The following SOX6 variants were observed in gnomAD, a reference collection of about 807,000 sequenced individuals.
SOX6 encodes the protein transcription factor SOX-6.
In SOX6, 11 loss-of-function variants were observed where a neutral mutation model predicts 97.8. That is an observed-to-expected ratio of 0.11 (90% confidence interval 0.07 to 0.19). The LOEUF (loss-of-function observed/expected upper bound fraction) is 0.19, where lower values mean the gene tolerates loss of function less well. SOX6 is among the 10% of genes least tolerant of loss of function. SOX6 has a pLI of 1.00. For synonymous variants in SOX6, 360 were observed against 371.4 expected (o/e 0.97, Z 0.35); for missense variants, 810 against 1,039.5 (o/e 0.78, Z 3.04).
At chr11:16,729,684 T>C (rs2134059068) in intron 2 of SOX6, among the ~76,000 whole-genome samples, 1 of 152,134 alleles carries the variant, frequency 6.6e-6, no homozygotes, top group Non-Finnish European at 1.5e-5. Context: ...ATGGGCAAAA[T>C]AAACAGCTAA....
At chr11:16,341,726 T>C (rs1856643400) in intron 1 of SOX6, among the ~76,000 whole-genome samples, 1 of 152,026 alleles carries the variant, frequency 6.6e-6, no homozygotes, top group South Asian at 2.1e-4. Flanking sequence ...GGGGGATATG[T>C]AGGAAAATAT....
At chr11:16,110,459 T>C (rs997883589) in intron 7 of SOX6, 8 of 151,976 alleles carry the variant, frequency 5.3e-5, no homozygotes, top group African/African-American at 1.7e-4. Flanking sequence ...TAGATGCCAA[T>C]GTCATAGTAG....
chr11:16,639,632 T>C (rs896133369), intron 3 of SOX6, among the ~76,000 whole-genome samples: 4 of 152,210 alleles, frequency 2.6e-5, no homozygotes, highest in African/African-American at 9.7e-5. Flanking sequence ...GTCCTTCACA[T>C]CCGTTTTAAG....
chr11:16,688,106 G>A (rs978176155), intron 3 of SOX6, among the ~76,000 whole-genome samples: 2 of 151,836 alleles, frequency 1.3e-5, no homozygotes, highest in African/African-American at 2.4e-5. Context: ...CCAAGTAGCT[G>A]GGAACACAGG....
chr11:16,442,022 T>C (rs1422325828), intron 1 of SOX6, among the ~76,000 whole-genome samples: 1 of 152,254 alleles, frequency 6.6e-6, no homozygotes, highest in Non-Finnish European at 1.5e-5. Context: ...CCCAGGTCAC[T>C]GCATTATCAG....
chr11:16,183,841 A>G (rs1851403657), intron 6 of SOX6, 45 bp downstream of exon 6: 3 of 1,568,958 alleles, frequency 1.9e-6, no homozygotes, highest in Middle Eastern at 1.7e-4. Context: ...TTCAAGGAGG[A>G]AAGTATCTAA....
chr11:16,401,483 GT>G (rs1449297301), intron 1 of SOX6, among the ~76,000 whole-genome samples: 4 of 151,444 alleles, frequency 2.6e-5, no homozygotes, highest in Non-Finnish European at 4.4e-5. Flanking sequence ...AGTTAGACAT[GT>G]TTTTTTATAA....
At chr11:16,091,022 G>GT in intron 9 of SOX6, among the ~76,000 whole-genome samples, 1 of 152,122 alleles carries the variant, frequency 6.6e-6, no homozygotes, top group East Asian at 1.9e-4. Flanking sequence ...GAGGTATTTT[G>GT]TAACAGTGCA....
intron 6 of SOX6, among the ~76,000 whole-genome samples, chr11:16,166,527 C>T (rs901467009): frequency 3.9e-5 from 6 of 152,130 alleles, no homozygotes; most frequent in African/African-American, 1.4e-4. Flanking sequence ...TCAAACTAGG[C>T]ATGTTGGGAA....
At position 15,988,977 on chromosome 11, in the gene SOX6, A is replaced by T. The variant is rs1025901064; in HGVS notation, c.1966+20T>A. ...ATTTGCAGGGGAGAAGATCAGCTTT[A>T]GCTGCACTGCTGCACTCACCTAAGA... On this transcript the variant is annotated intron_variant, in intron 14 of 15. Coordinates refer to ENST00000683767, the MANE Select transcript of SOX6 (RefSeq NM_001367873.1). The T allele has an allele frequency of 3.1e-6, 5 of 1,604,284 alleles. No individual in the cohort carries two copies. The highest frequency in any genetic ancestry group is 4.3e-6 in the Non-Finnish European group (5 of 1,170,980).
At chr11:16,523,365 C>T (rs1216762678) in intron 4 of SOX6, among the ~76,000 whole-genome samples, 2 of 152,154 alleles carry the variant, frequency 1.3e-5, no homozygotes, top group Non-Finnish European at 2.9e-5. Flanking sequence ...AACTGAACAA[C>T]CTGCTCCTGA....
intron 4 of SOX6, among the ~76,000 whole-genome samples, chr11:16,196,635 T>G (rs946631357): frequency 6.6e-6 from 1 of 152,064 alleles, no homozygotes; most frequent in Non-Finnish European, 1.5e-5. Context: ...TTTACTCTCC[T>G]CTTCCATACT....
intron 9 of SOX6, among the ~76,000 whole-genome samples, chr11:16,073,592 C>T (rs1251520067): frequency 2.0e-5 from 3 of 151,994 alleles, no homozygotes; most frequent in Non-Finnish European, 2.9e-5. Flanking sequence ...ACCAAATGGG[C>T]CTAACAGCTA....
At chr11:16,077,061 A>C (rs2133950007) in intron 9 of SOX6, among the ~76,000 whole-genome samples, 1 of 152,246 alleles carries the variant, frequency 6.6e-6, no homozygotes, top group Non-Finnish European at 1.5e-5. Flanking sequence ...CCGGTACTAC[A>C]CATTTTTAAA....
At chr11:16,460,047 G>C (rs1322454133) in intron 1 of SOX6, among the ~76,000 whole-genome samples, 1 of 151,658 alleles carries the variant, frequency 6.6e-6, no homozygotes, top group East Asian at 1.9e-4. Flanking sequence ...ACAGTGATAA[G>C]GGGGGGAAAA....
chr11:16,641,429 G>C (rs1355708695), intron 3 of SOX6, among the ~76,000 whole-genome samples: 2 of 152,138 alleles, frequency 1.3e-5, no homozygotes, highest in African/African-American at 2.4e-5. Flanking sequence ...GGTCCACTTG[G>C]TGCAGAGCTG....
At chr11:16,120,293 C>G (rs1440401772) in intron 6 of SOX6, among the ~76,000 whole-genome samples, 1 of 150,984 alleles carries the variant, frequency 6.6e-6, no homozygotes, top group Non-Finnish European at 1.5e-5. Flanking sequence ...CCCTCTTCCT[C>G]TTTCCTTTCT....
At position 16,468,521 on chromosome 11, in the gene SOX6, C is replaced by T. The variant is rs78648951; in HGVS notation, c.-5+7794G>A. On this transcript the variant is annotated intron_variant, in intron 1 of 15. Coordinates refer to the SOX6 transcript ENST00000396356. ...TCAATATATGATCTTCACTGTAACACTGTCCTCTGATTAGAAGATTGCCTT... is the reference window on the plus strand; with the variant it reads ...TCAATATATGATCTTCACTGTAACATTGTCCTCTGATTAGAAGATTGCCTT... Among the ~76,000 whole-genome samples the T allele has an allele frequency of 8.5e-3, 1,290 of 152,210 alleles. 21 individuals carry two copies. Among genetic ancestry groups the T allele is most frequent in the African/African-American group, 0.028 (1,176 of 41,554 alleles).
At position 16,722,213 on chromosome 11, in the gene SOX6, A is replaced by G. The variant is rs148096595; in HGVS notation, n.354-7308T>C. On this transcript the variant is annotated intron_variant and non_coding_transcript_variant, in intron 2 of 5. Transcript: ENST00000524520. ...AAATTCTACACAGCGAAAAAAAACT[A>G]TATCAATAGAATAAGTAGACAACCT... Among the ~76,000 whole-genome samples the G allele has an allele frequency of 3.1e-3, 474 of 152,346 alleles. 3 individuals are homozygous for G. The highest frequency in any genetic ancestry group is 0.01 in the Middle Eastern group (3 of 294).
Sources: gnomAD v4.1 joint callset for allele counts (sites outside exome capture counted in the v4.1 genomes callset) on GRCh38, gnomAD v4.1.1 for gene constraint, MANE v1.5 for transcripts, NCBI Gene and HGNC (gene_info 2026-07-23, HGNC 2026-07-21) for gene names.